APBB2: variants seen among roughly 807,000 people sequenced by gnomAD.
APBB2 encodes amyloid beta precursor protein binding family B member 2, also known as Fe65-like 1.
In APBB2, 38 loss-of-function variants were observed where a neutral mutation model predicts 82.5. That is an observed-to-expected ratio of 0.46 (90% CI 0.36 to 0.60). The LOEUF (loss-of-function observed/expected upper bound fraction) is 0.60. Ranked by LOEUF, APBB2 falls within the 20% of genes least tolerant of loss-of-function variation. The pLI, the probability that APBB2 is intolerant of heterozygous loss-of-function variation, is 0.00. For missense variants in APBB2, 772 were observed against 972.3 expected, an observed-to-expected ratio of 0.79 and a Z score of 2.74; for synonymous variants, 341 against 368.2, an observed-to-expected ratio of 0.93 and a Z score of 0.85.
intron 7 of APBB2, among the ~76,000 whole-genome samples, chr4:40,939,313 C>T (rs1354474004): frequency 6.6e-6 from 1 of 152,160 alleles, no homozygotes; most frequent in African/African-American, 2.4e-5. Flanking sequence ...ACTAAGAAGG[C>T]CTCCCATCAA....
intron 3 of APBB2, among the ~76,000 whole-genome samples, chr4:41,079,800 G>A (rs1736936340): frequency 6.6e-6 from 1 of 152,018 alleles, no homozygotes; most frequent in Non-Finnish European, 1.5e-5. Context: ...ACCTGCCTTG[G>A]CCTCCCAAAG....
At chr4:41,205,420 G>A (rs1178245395) in intron 1 of APBB2, among the ~76,000 whole-genome samples, 1 of 152,116 alleles carries the variant, frequency 6.6e-6, no homozygotes, top group African/African-American at 2.4e-5. Context: ...AATAGACAGA[G>A]CTAAGGAAAA....
At chr4:41,174,229 T>G (rs1253317354) in intron 1 of APBB2, among the ~76,000 whole-genome samples, 1 of 152,188 alleles carries the variant, frequency 6.6e-6, no homozygotes, top group East Asian at 1.9e-4. Flanking sequence ...CTAAGCAGAC[T>G]TCTATTGGCC....
At chr4:40,969,845 A>C (rs4549421) in intron 6 of APBB2, among the ~76,000 whole-genome samples, 41,241 of 152,124 alleles carry the variant, frequency 0.27, 5,658 homozygotes, top group Middle Eastern at 0.34. Context: ...CCAATATAAT[A>C]TCTTTAAAAT....
chr4:40,961,523 T>G (rs550756386), intron 6 of APBB2, among the ~76,000 whole-genome samples: 1 of 144,806 alleles, frequency 6.9e-6, no homozygotes, highest in South Asian at 2.3e-4. Context: ...AGGGATAGCA[T>G]TGGGAGATAT....
intron 1 of APBB2, among the ~76,000 whole-genome samples, chr4:41,169,866 T>C (rs1316879211): frequency 2.0e-5 from 3 of 152,116 alleles, no homozygotes; most frequent in Non-Finnish European, 4.4e-5. Context: ...GGTTTTTTTT[T>C]TTAAGAAGAT....
intron 5 of APBB2, among the ~76,000 whole-genome samples, chr4:41,023,625 G>A (rs910633968): frequency 2.6e-5 from 4 of 152,064 alleles, no homozygotes; most frequent in African/African-American, 9.7e-5. Flanking sequence ...CAGCTAACCA[G>A]GGAAGTGAAA....
At chr4:41,102,314 A>G (rs1196662716) in intron 2 of APBB2, among the ~76,000 whole-genome samples, 1 of 152,212 alleles carries the variant, frequency 6.6e-6, no homozygotes, top group African/African-American at 2.4e-5. Context: ...GCCAACATTT[A>G]TATACTGTTA....
chr4:41,040,388 C>A (rs1044244713), intron 4 of APBB2, among the ~76,000 whole-genome samples: 1 of 152,192 alleles, frequency 6.6e-6, no homozygotes, highest in African/African-American at 2.4e-5. Context: ...GTCCTTCCAG[C>A]ACTAACGCTA....
rs1188236331 is a variant in APBB2 at position 41,014,085 on chromosome 4, T to A, written c.333A>T (p.Ala111=). The A allele has an allele frequency of 1.2e-6, 2 of 1,614,226 alleles. No homozygotes were observed. The highest frequency in any genetic ancestry group is 1.7e-6 in the Non-Finnish European group (2 of 1,180,036). ...KNGENQLRKA[A]EQGQQDPNKN... ...TGTTGGGGTCCTGCTGCCCTTGCTC[T>A]GCAGCCTTACGGAGCTGGTTCTCCC... Residue 111 remains alanine (A), a synonymous_variant, in exon 6 of 18, where the codon GCA becomes GCT. Coordinates refer to ENST00000508593, the MANE Select transcript of APBB2 (RefSeq NM_004307.2).
intron 12 of APBB2, among the ~76,000 whole-genome samples, chr4:40,886,628 G>T (rs563234045): frequency 6.6e-6 from 1 of 152,324 alleles, no homozygotes; most frequent in South Asian, 2.1e-4. Context: ...AAACTGGGTA[G>T]GGACATCCCT....
At chr4:40,830,996 G>T (rs1751681506) in intron 12 of APBB2, among the ~76,000 whole-genome samples, 1 of 152,244 alleles carries the variant, frequency 6.6e-6, no homozygotes, top group Non-Finnish European at 1.5e-5. Context: ...CTATTCTGGA[G>T]GGTGAGGTGG....
At chr4:40,865,611 C>G (rs1247240465) in intron 12 of APBB2, among the ~76,000 whole-genome samples, 2 of 152,210 alleles carry the variant, frequency 1.3e-5, no homozygotes, top group East Asian at 3.8e-4. Flanking sequence ...AGTGTATCAA[C>G]AGTGCATTCC....
intron 10 of APBB2, among the ~76,000 whole-genome samples, chr4:40,908,038 A>ATGGTGTGGGTGTGTG (rs1246549034): frequency 1.3e-5 from 2 of 149,646 alleles, no homozygotes; most frequent in Non-Finnish European, 3.0e-5. Flanking sequence ...GCATATGTGT[A>ATGGTGTGGGTGTGTG]TGGTGTGGGT....
At position 41,026,810 on chromosome 4, in the gene APBB2, T is replaced by C. The variant is rs191733321; in HGVS notation, c.19+6426A>G. On this transcript the variant is annotated intron_variant, in intron 5 of 17. Coordinates refer to ENST00000508593, the MANE Select transcript of APBB2 (RefSeq NM_004307.2). ...TACAAGTTTTTCTTCTATGGATATG[T>C]AAAACTGACCCAATAGTCCTACAGA... 8.3e-4 allele frequency among the ~76,000 whole-genome samples: 126 copies of C among 152,352 alleles called. 1 individual carries two copies. Among genetic ancestry groups the C allele is most frequent in the African/African-American group, 2.9e-3 (119 of 41,590 alleles).
chr4:40,899,289 G>A (rs114885754), intron 10 of APBB2, among the ~76,000 whole-genome samples: 1,737 of 152,246 alleles, frequency 0.011, 35 homozygotes, highest in African/African-American at 0.04. Context: ...TCTGGGTCAT[G>A]GCTGACCCAG....
Position 40,810,561 on chromosome 4 carries a change from G to C in APBB2, c.*5531C>G, listed in dbSNP as rs367794027. The stretch of plus-strand genomic sequence containing the variant: ...CCACTGCACTCCAGCCTGGGAAGCA[G>C]AGTGAGACCTTGCCTCAAAAAAAAA... On this transcript the variant is annotated 3_prime_UTR_variant, in exon 18 of 18. Transcript: ENST00000508593. 3.2e-5 allele frequency: 4 copies of C among 123,288 alleles called. No individual in the cohort carries two copies. The highest frequency in any genetic ancestry group is 9.4e-5 in the African/African-American group (3 of 32,008). 7.6% of individuals were successfully genotyped at this position (123,288 alleles called of 1,614,324 possible).
intron 2 of APBB2, among the ~76,000 whole-genome samples, chr4:41,119,172 A>G (rs1752045716): frequency 6.6e-6 from 1 of 151,822 alleles, no homozygotes; most frequent in African/African-American, 2.4e-5. Context: ...AAGAGCATGA[A>G]CATGAGGTCA....
intron 12 of APBB2, among the ~76,000 whole-genome samples, chr4:40,845,134 A>G (rs369346956): frequency 2.0e-5 from 3 of 152,352 alleles, no homozygotes; most frequent in East Asian, 3.9e-4. Context: ...GTTAATAAAC[A>G]CTGCTTGATT....
Sources: allele counts gnomAD v4.1 joint callset (sites outside exome capture counted in the v4.1 genomes callset), GRCh38; gene constraint gnomAD v4.1.1; transcripts MANE v1.5; gene names NCBI Gene and HGNC (gene_info 2026-07-23, HGNC 2026-07-21).